The following CHRM3 variants were observed in gnomAD, a reference collection of about 807,000 sequenced individuals.
CHRM3 encodes the protein muscarinic acetylcholine receptor M3.
Under a neutral mutation model 41.8 loss-of-function variants are expected in CHRM3, and 11 were observed. The ratio of observed to expected loss-of-function variants is 0.26; its 90% CI spans 0.17 to 0.44. CHRM3 has a LOEUF of 0.44. Among genes scored for constraint, CHRM3 ranks in the 20% least tolerant of loss-of-function variants. CHRM3 has a pLI of 1.00. For synonymous variants in CHRM3, 297 were observed against 301.4 expected, an observed-to-expected ratio of 0.99 and a Z score of 0.15; for missense variants, 571 against 745.4, an observed-to-expected ratio of 0.77 and a Z score of 2.72.
At chr1:239,547,438 AGTC>A (rs1659400761) in intron 3 of CHRM3, among the ~76,000 whole-genome samples, 1 of 152,228 alleles carries the variant, frequency 6.6e-6, no homozygotes, top group South Asian at 2.1e-4. Flanking sequence ...CTAAGTTATC[AGTC>A]AGTTCCCTGG....
At chr1:239,825,517 G>A (rs1317480209) in intron 5 of CHRM3, among the ~76,000 whole-genome samples, 1 of 152,066 alleles carries the variant, frequency 6.6e-6, no homozygotes, top group African/African-American at 2.4e-5. Flanking sequence ...GTATGTTATT[G>A]TCATTCTGTG....
rs535142646 is a variant in CHRM3, at chr1:239,404,725, T to TATA, written c.-521+17499_-521+17501dup. The stretch of plus-strand genomic sequence containing the variant: ...ATGTATCATGCTATATCTAAATATA[T>TATA]ATATATATATATATATATATATATA... On this transcript the variant is annotated intron_variant, in intron 1 of 6. Coordinates refer to ENST00000676153, the MANE Select transcript of CHRM3 (RefSeq NM_001375978.1). Among the ~76,000 whole-genome samples, 378 of 109,186 alleles carry TATA rather than the reference T, an allele frequency of 3.5e-3. 6 individuals carry two copies. The highest frequency in any genetic ancestry group is 0.013 in the Admixed American group (145 of 11,244). The allele number at this position is 109,186 out of a possible 152,430, so 71.6% of individuals were successfully genotyped here.
chr1:239,814,057 CATA>C, intron 5 of CHRM3, among the ~76,000 whole-genome samples: 1 of 87,590 alleles, frequency 1.1e-5, no homozygotes, highest in African/African-American at 5.6e-5. Context: ...TAAATAAATA[CATA>C]AACTAATGCA....
At chr1:239,528,124 G>A (rs1483997324) in intron 2 of CHRM3, among the ~76,000 whole-genome samples, 1 of 152,212 alleles carries the variant, frequency 6.6e-6, no homozygotes, top group Non-Finnish European at 1.5e-5. Flanking sequence ...TGCATTTAAA[G>A]GGAGTAAAAC....
rs1662046110 is a variant in CHRM3, at chr1:239,422,667, TGCC to T, written c.-521+35441_-521+35443del. On this transcript the variant is annotated intron_variant, in intron 1 of 6. Transcript: ENST00000676153. Reference sequence around the variant, plus strand: ...AAAATTAGCCAGGCATGGTGGCGTGTGCCTGTAGTCCCAGCTACTCAGGAGGCT... The same window carrying T: ...AAAATTAGCCAGGCATGGTGGCGTGTTGTAGTCCCAGCTACTCAGGAGGCT... Among the ~76,000 whole-genome samples, 3 of 151,828 alleles carry T rather than the reference TGCC, an allele frequency of 2.0e-5. No homozygotes were observed. The South Asian group carries it at 6.2e-4, about 32-fold the overall frequency.
chr1:239,826,386 C>G (rs1659717226), intron 5 of CHRM3, among the ~76,000 whole-genome samples: 1 of 152,102 alleles, frequency 6.6e-6, no homozygotes, highest in African/African-American at 2.4e-5. Context: ...GATAGGCATA[C>G]TTGAGTATGA....
intron 2 of CHRM3, among the ~76,000 whole-genome samples, chr1:239,503,007 G>T (rs1165563938): frequency 3.3e-5 from 5 of 152,042 alleles, no homozygotes; most frequent in Admixed American, 6.6e-5. Context: ...AACAAGACAG[G>T]GATGCCCACT....
chr1:239,700,339 A>G (rs1345331666), intron 5 of CHRM3, among the ~76,000 whole-genome samples: 2 of 152,160 alleles, frequency 1.3e-5, no homozygotes, highest in African/African-American at 2.4e-5. Flanking sequence ...TAATGTCAGC[A>G]TGAGTACGTT....
chr1:239,408,235 C>T (rs1206811808), intron 1 of CHRM3: 1 of 152,100 alleles, frequency 6.6e-6, no homozygotes, highest in Non-Finnish European at 1.5e-5. Flanking sequence ...TTTGCAATCC[C>T]CTTATGCCAT....
intron 6 of CHRM3, among the ~76,000 whole-genome samples, chr1:239,869,832 C>T (rs150039252): frequency 2.3e-4 from 35 of 152,188 alleles, no homozygotes; most frequent in African/African-American, 7.9e-4. Context: ...AAATACTTAT[C>T]GATGGAGTAT....
intron 4 of CHRM3, among the ~76,000 whole-genome samples, chr1:239,667,986 A>G (rs1673978171): frequency 6.6e-6 from 1 of 150,534 alleles, no homozygotes; most frequent in Non-Finnish European, 1.5e-5. Flanking sequence ...TGCAGACTCC[A>G]TGCTACCTAA....
At chr1:239,738,477 T>G (rs908501741) in intron 5 of CHRM3, among the ~76,000 whole-genome samples, 5 of 151,664 alleles carry the variant, frequency 3.3e-5, no homozygotes, top group South Asian at 2.1e-4. Flanking sequence ...TCAGGGGGGG[T>G]TTGGGAGTCC....
intron 1 of CHRM3, among the ~76,000 whole-genome samples, chr1:239,420,464 G>A (rs573277731): frequency 6.6e-6 from 1 of 152,272 alleles, no homozygotes; most frequent in African/African-American, 2.4e-5. Flanking sequence ...AGTTCCACAA[G>A]GAGGTCCTGA....
intron 6 of CHRM3, among the ~76,000 whole-genome samples, chr1:239,871,405 C>A (rs570951320): frequency 6.6e-6 from 1 of 152,012 alleles, no homozygotes; most frequent in Non-Finnish European, 1.5e-5. Flanking sequence ...GCATGCCCAG[C>A]TAATTTTTGT....
chr1:239,778,649 A>T (rs1195810912), intron 5 of CHRM3, among the ~76,000 whole-genome samples: 1 of 152,190 alleles, frequency 6.6e-6, no homozygotes, highest in South Asian at 2.1e-4. Context: ...CAAAGACTGC[A>T]TATCCTTTTC....
chr1:239,772,530 T>C (rs1667775228), intron 5 of CHRM3, among the ~76,000 whole-genome samples: 1 of 152,176 alleles, frequency 6.6e-6, no homozygotes, highest in African/African-American at 2.4e-5. Context: ...TAATGAATCA[T>C]CTCCCCAGAT....
chr1:239,666,701 G>A (rs781042660), intron 4 of CHRM3, among the ~76,000 whole-genome samples: 3 of 151,930 alleles, frequency 2.0e-5, no homozygotes, highest in East Asian at 1.9e-4. Flanking sequence ...TTTTAGATTC[G>A]GGGGTACATA....
At chr1:239,684,992 C>A (rs1257801435) in intron 5 of CHRM3, among the ~76,000 whole-genome samples, 1 of 152,132 alleles carries the variant, frequency 6.6e-6, no homozygotes, top group Non-Finnish European at 1.5e-5. Flanking sequence ...AGCAGAAAAA[C>A]CTCTCCCTTG....
rs924239884 is a variant in CHRM3, at chr1:239,419,815, A to G, written c.-521+32588A>G. On this transcript the variant is annotated intron_variant, in intron 1 of 6. Transcript: ENST00000676153. ...TTTCACCATTCTTCATGGGCTTATAAGAGCTTCTCGAGGGAACCATCAAAC... is the reference window on the plus strand; with the variant it reads ...TTTCACCATTCTTCATGGGCTTATAGGAGCTTCTCGAGGGAACCATCAAAC... Among the ~76,000 whole-genome samples the G allele has an allele frequency of 2.0e-5, 3 of 152,222 alleles. No individual in the cohort carries two copies. The South Asian group carries it at 6.2e-4, about 32-fold the overall frequency.
Sources: gnomAD v4.1 joint callset for allele counts (sites outside exome capture counted in the v4.1 genomes callset) on GRCh38, gnomAD v4.1.1 for gene constraint, MANE v1.5 for transcripts, NCBI Gene and HGNC (gene_info 2026-07-23, HGNC 2026-07-21) for gene names.